EDIL3: variants seen among roughly 807,000 people sequenced by gnomAD.
EDIL3 encodes EGF like and discoidin domains 3, also known as EGF-like repeat and discoidin I-like domain-containing protein 3.
A neutral mutation model predicts 67.4 loss-of-function variants in EDIL3; 37 were observed. That is an observed-to-expected ratio of 0.55 (90% CI 0.42 to 0.72). The LOEUF (loss-of-function observed/expected upper bound fraction) is 0.72. Ranked by LOEUF, EDIL3 falls within the 30% of genes least tolerant of loss-of-function variation. The pLI is 0.00. For synonymous variants in EDIL3, 195 were observed against 196.3 expected (o/e 0.99, Z 0.05); for missense variants, 527 against 586.3 (o/e 0.90, Z 1.04).
Position 84,180,534 on chromosome 5 carries a change from A to G in EDIL3, c.227-13T>C. On this transcript the variant is annotated splice_polypyrimidine_tract_variant and intron_variant, in intron 3 of 10. Transcript: ENST00000296591. The stretch of plus-strand genomic sequence containing the variant: ...GGAGTGCAGGGACCTGAAAGACAGA[A>G]AAAAATATTTCTGCTTGATGCATAT... The G allele has an allele frequency of 6.4e-7, 1 of 1,554,704 alleles. No individual in the cohort carries two copies. The highest frequency in any genetic ancestry group is 8.6e-7 in the Non-Finnish European group (1 of 1,156,622).
intron 9 of EDIL3, among the ~76,000 whole-genome samples, chr5:83,995,188 T>A (rs1303716565): frequency 8.3e-6 from 1 of 121,148 alleles, no homozygotes; most frequent in Non-Finnish European, 1.8e-5. Flanking sequence ...ACACATTTTA[T>A]TCTAGAGACA....
At chr5:84,077,831 TTTC>T (rs1746888841) in intron 6 of EDIL3, among the ~76,000 whole-genome samples, 1 of 149,434 alleles carries the variant, frequency 6.7e-6, no homozygotes, top group African/African-American at 2.5e-5. Context: ...CACTTCTTCT[TTTC>T]TTCTTTCTTT....
intron 1 of EDIL3, among the ~76,000 whole-genome samples, chr5:84,345,288 A>G (rs1478725617): frequency 6.6e-6 from 1 of 152,180 alleles, no homozygotes; most frequent in East Asian, 1.9e-4. Flanking sequence ...AGGAAATGTC[A>G]TCTGAACACA....
chr5:84,184,045 G>T (rs188499540), intron 3 of EDIL3, among the ~76,000 whole-genome samples: 6 of 152,334 alleles, frequency 3.9e-5, no homozygotes, highest in Non-Finnish European at 5.9e-5. Context: ...GATGGTGGTT[G>T]CAGTGAGCCA....
At chr5:84,051,494 G>A (rs1661675545) in intron 9 of EDIL3, among the ~76,000 whole-genome samples, 2 of 152,182 alleles carry the variant, frequency 1.3e-5, no homozygotes, top group South Asian at 4.1e-4. Context: ...GAAGGCTTCA[G>A]ATGATCAAAC....
intron 4 of EDIL3, among the ~76,000 whole-genome samples, chr5:84,174,060 G>C (rs1023129545): frequency 6.6e-6 from 1 of 152,148 alleles, no homozygotes; most frequent in Non-Finnish European, 1.5e-5. Context: ...CAGATGAGGG[G>C]CCCATCAGGG....
At chr5:84,052,921 T>G (rs1746369351) in intron 9 of EDIL3, among the ~76,000 whole-genome samples, 1 of 152,120 alleles carries the variant, frequency 6.6e-6, no homozygotes, top group South Asian at 2.1e-4. Context: ...TTAAGAAGGA[T>G]ATCCAGGAAT....
Position 83,942,311 on chromosome 5 carries a change from C to T in EDIL3, c.*1108G>A, listed in dbSNP as rs567666466. 2.0e-5 allele frequency: 3 copies of T among 152,138 alleles called. No individual in the cohort carries two copies. The highest frequency in any genetic ancestry group is 6.6e-5 in the Admixed American group (1 of 15,264). 9.4% of individuals were successfully genotyped at this position (152,138 alleles called of 1,614,324 possible). ...AACACTTTGCTTCTCACAAATAACTCCACCTGTGCCTTCCTGGGAAACTAC... is the reference window on the plus strand; with the variant it reads ...AACACTTTGCTTCTCACAAATAACTTCACCTGTGCCTTCCTGGGAAACTAC... On this transcript the variant is annotated 3_prime_UTR_variant, in exon 11 of 11. Transcript: ENST00000296591.
chr5:84,300,821 G>C (rs1188241458), intron 1 of EDIL3, among the ~76,000 whole-genome samples: 1 of 152,026 alleles, frequency 6.6e-6, no homozygotes, highest in Non-Finnish European at 1.5e-5. Context: ...TAGAATCACA[G>C]AATTCTTAGA....
At chr5:84,083,971 A>C (rs1580319067) in intron 6 of EDIL3, among the ~76,000 whole-genome samples, 1 of 152,272 alleles carries the variant, frequency 6.6e-6, no homozygotes, top group African/African-American at 2.4e-5. Flanking sequence ...GTATGGTACA[A>C]GTAGGGGAAG....
At chr5:84,146,956 C>T (rs149947063) in intron 4 of EDIL3, among the ~76,000 whole-genome samples, 18 of 152,070 alleles carry the variant, frequency 1.2e-4, no homozygotes, top group African/African-American at 4.3e-4. Context: ...CATATAACAA[C>T]CACCAAGGGC....
intron 4 of EDIL3, among the ~76,000 whole-genome samples, chr5:84,149,788 C>T (rs532462326): frequency 3.3e-5 from 5 of 151,836 alleles, no homozygotes; most frequent in Admixed American, 2.6e-4. Flanking sequence ...AATTGAACTT[C>T]CAGAGATGAA....
At chr5:84,314,997 T>C (rs16901051) in intron 1 of EDIL3, among the ~76,000 whole-genome samples, 1,942 of 152,292 alleles carry the variant, frequency 0.013, 50 homozygotes, top group African/African-American at 0.045. Flanking sequence ...TCACAATACA[T>C]GAATGCTTTT....
chr5:84,284,055 C>T (rs979918778), intron 1 of EDIL3, among the ~76,000 whole-genome samples: 2 of 152,098 alleles, frequency 1.3e-5, no homozygotes, highest in African/African-American at 4.8e-5. Context: ...ACACCATCAT[C>T]GCACCTCACA....
chr5:83,951,919 C>A (rs1474587610), intron 10 of EDIL3, among the ~76,000 whole-genome samples: 1 of 151,746 alleles, frequency 6.6e-6, no homozygotes, highest in African/African-American at 2.4e-5. Context: ...GGCAAGCTGG[C>A]ATAGGCAATA....
At chr5:84,237,477 TA>T (rs1679401671) in intron 2 of EDIL3, among the ~76,000 whole-genome samples, 1 of 152,142 alleles carries the variant, frequency 6.6e-6, no homozygotes, top group Non-Finnish European at 1.5e-5. Context: ...AATTACTAAC[TA>T]AAATTCACCA....
Position 84,066,468 on chromosome 5 carries a change from C to G in EDIL3, c.790G>C (p.Gly264Arg). Residue 264 changes from glycine to arginine, a missense_variant, in exon 7 of 11, where the codon GGC becomes CGC. Gly to Arg is a moderately radical substitution (Grantham distance 125). Coordinates refer to ENST00000296591, the MANE Select transcript of EDIL3 (RefSeq NM_005711.5). ...GKTWAMYKVK[G>R]TNEDMVFRGN... ...ATTCTTACCATGTCTTCATTGGTGC[C>G]TTTCACTTTGTACATTGCCCAAGTC... is the stretch of plus-strand genomic sequence containing the variant. 6.2e-7 allele frequency: 1 copy of G among 1,602,888 alleles called. No homozygotes were observed. Among genetic ancestry groups the G allele is most frequent in the Non-Finnish European group, 8.5e-7 (1 of 1,176,822 alleles).
At chr5:84,190,547 A>ATGTGTGTGTG (rs1326799356) in intron 3 of EDIL3, among the ~76,000 whole-genome samples, 9 of 62,266 alleles carry the variant, frequency 1.4e-4, no homozygotes, top group African/African-American at 4.8e-4. Context: ...ATATATATAT[A>ATGTGTGTGTG]TATATGTGTG....
At chr5:84,319,116 C>G (rs1746572410) in intron 1 of EDIL3, among the ~76,000 whole-genome samples, 1 of 151,910 alleles carries the variant, frequency 6.6e-6, no homozygotes, top group Non-Finnish European at 1.5e-5. Context: ...CTATCTCACA[C>G]CAGCTAGAAT....
Sources: allele counts gnomAD v4.1 joint callset (sites outside exome capture counted in the v4.1 genomes callset), GRCh38; gene constraint gnomAD v4.1.1; transcripts MANE v1.5; gene names NCBI Gene and HGNC (gene_info 2026-07-23, HGNC 2026-07-21).